KLHL8: variants seen among roughly 807,000 people sequenced by gnomAD.
The protein encoded by KLHL8 is kelch-like protein 8.
A neutral mutation model predicts 63.5 loss-of-function variants in KLHL8; 38 were observed. That is an observed-to-expected ratio of 0.60 (90% CI 0.46 to 0.78). The LOEUF (loss-of-function observed/expected upper bound fraction) is 0.78. Ranked by LOEUF, KLHL8 falls within the 30% of genes least tolerant of loss-of-function variation. KLHL8 has a pLI of 0.00. For synonymous variants in KLHL8, 224 were observed against 254.3 expected (o/e 0.88, Z 1.13); for missense variants, 566 against 752.4 (o/e 0.75, Z 2.90).
At chr4:87,165,821 A>G (rs1342045170) in intron 8 of KLHL8, among the ~76,000 whole-genome samples, 1 of 152,212 alleles carries the variant, frequency 6.6e-6, no homozygotes, top group Non-Finnish European at 1.5e-5. Context: ...GCAAAATGCA[A>G]TTAGGATGTT....
At position 87,163,759 on chromosome 4, in the gene KLHL8, G is replaced by A. The variant is rs978348001; in HGVS notation, c.1740-117C>T. On this transcript the variant is annotated intron_variant, in intron 9 of 9. Transcript: ENST00000273963. ...TTTTGTAGGACAGCAAGCTTCCAGT[G>A]GGAGATAAGATATCCCAAAGCTTAG... The A allele has an allele frequency of 5.9e-6, 9 of 1,522,272 alleles. No homozygotes were observed. The Admixed American group carries it at 7.0e-5, about 12-fold the overall frequency. The allele number at this position is 1,522,272 out of a possible 1,614,324, so 94.3% of individuals were successfully genotyped here. A position where few individuals can be genotyped will look rare whatever the true frequency, so the allele number is the denominator to read the frequency against.
chr4:87,178,767 A>C, intron 4 of KLHL8, 147 bp from the exon 5 acceptor site: 1 of 760,006 alleles, frequency 1.3e-6, no homozygotes, highest in South Asian at 2.6e-5. Flanking sequence ...AATCTAATAA[A>C]ATTTTCTTCT....
rs760767003 is a variant in KLHL8, at chr4:87,163,508, C to G, written c.*11G>C. The G allele has an allele frequency of 1.9e-6, 3 of 1,613,094 alleles. No individual in the cohort carries two copies. Among genetic ancestry groups the G allele is most frequent in the African/African-American group, 2.7e-5 (2 of 74,822 alleles). ...CAGATATGACTAAATTGTTGGTGGC[C>G]AGAACTCAAATCACATACAGTCAAC... On this transcript the variant is annotated 3_prime_UTR_variant, in exon 10 of 10. Coordinates refer to ENST00000273963, the MANE Select transcript of KLHL8 (RefSeq NM_020803.5).
chr4:87,189,564 A>G (rs373515733), intron 2 of KLHL8, among the ~76,000 whole-genome samples: 7 of 152,296 alleles, frequency 4.6e-5, no homozygotes, highest in Admixed American at 3.9e-4. Context: ...CATACAAAGC[A>G]TTCCTAACTC....
At chr4:87,230,097 A>G (rs1187681119) in intron 1 of KLHL8, among the ~76,000 whole-genome samples, 2 of 152,150 alleles carry the variant, frequency 1.3e-5, no homozygotes, top group African/African-American at 4.8e-5. Flanking sequence ...GACAGATTCT[A>G]GAGGCAGCTG....
chr4:87,221,681 T>C (rs996649517), upstream of KLHL8, among the ~76,000 whole-genome samples: 2 of 151,820 alleles, frequency 1.3e-5, no homozygotes, highest in Non-Finnish European at 2.9e-5. Flanking sequence ...GAAATGAACA[T>C]ATATATATCT....
At position 87,185,530 on chromosome 4, in the gene KLHL8, T is replaced by C; in HGVS notation, c.486A>G (p.Leu162=). ...CCAGGCAATTGGAGGGATGAAAATG[T>C]AACTTCATGTATTCACAACAAGCTC... ...VARACCEYMK[L]HFHPSNCLAV... The change falls in exon 3 of 10, where the codon TTA becomes TTG. Residue 162 remains leucine (L), a synonymous_variant. Coordinates refer to ENST00000273963, the MANE Select transcript of KLHL8 (RefSeq NM_020803.5). 1 of 1,614,208 alleles carries C rather than the reference T, an allele frequency of 6.2e-7. No homozygotes were observed. Among genetic ancestry groups the C allele is most frequent in the Non-Finnish European group, 8.5e-7 (1 of 1,180,030 alleles).
At chr4:87,206,878 C>T (rs1281625127) in intron 1 of KLHL8, among the ~76,000 whole-genome samples, 2 of 152,196 alleles carry the variant, frequency 1.3e-5, no homozygotes, top group East Asian at 1.9e-4. Context: ...GCCTGCTTAA[C>T]ACAGTCTACT....
intron 2 of KLHL8, among the ~76,000 whole-genome samples, chr4:87,191,532 T>G (rs768192562): frequency 1.3e-5 from 2 of 152,134 alleles, no homozygotes; most frequent in Non-Finnish European, 2.9e-5. Flanking sequence ...CCTTCATTCT[T>G]ACAGTTTTAT....
chr4:87,201,507 G>T (rs1196896562), intron 1 of KLHL8, among the ~76,000 whole-genome samples: 1 of 152,090 alleles, frequency 6.6e-6, no homozygotes, highest in African/African-American at 2.4e-5. Flanking sequence ...TGACATAAAA[G>T]AACAGAACAC....
intron 1 of KLHL8, chr4:87,208,134 G>T: frequency 2.3e-6 from 1 of 435,724 alleles, no homozygotes; most frequent in South Asian, 1.8e-5. Context: ...GAGAGGAAGA[G>T]AGAGGTCGTC....
chr4:87,224,721 A>G (rs1732942252), upstream of KLHL8, among the ~76,000 whole-genome samples: 1 of 152,072 alleles, frequency 6.6e-6, no homozygotes, highest in Admixed American at 6.5e-5. Flanking sequence ...CCCGCCTTTT[A>G]TCCTAAGACA....
chr4:87,201,354 T>G (rs561998393), intron 1 of KLHL8, among the ~76,000 whole-genome samples: 1 of 152,194 alleles, frequency 6.6e-6, no homozygotes, highest in Non-Finnish European at 1.5e-5. Context: ...TGCATACACC[T>G]AACTTCAAAT....
chr4:87,173,800 C>T (rs996018644), intron 6 of KLHL8, among the ~76,000 whole-genome samples: 1 of 152,088 alleles, frequency 6.6e-6, no homozygotes, highest in Non-Finnish European at 1.5e-5. Context: ...GATTTTATCT[C>T]CCATTTTAAT....
chr4:87,225,213 A>G (rs1198213521), upstream of KLHL8, among the ~76,000 whole-genome samples: 1 of 152,120 alleles, frequency 6.6e-6, no homozygotes, highest in Non-Finnish European at 1.5e-5. Flanking sequence ...CTTTTTAATT[A>G]GGAAACCTTT....
At position 87,170,575 on chromosome 4, in the gene KLHL8, C is replaced by A. The variant is rs766697068; in HGVS notation, c.1249G>T (p.Ala417Ser). The change falls in exon 7 of 10, where the codon GCA becomes TCA. Residue 417 changes from alanine (A) to serine (S), a missense_variant. Coordinates refer to ENST00000273963, the MANE Select transcript of KLHL8 (RefSeq NM_020803.5). ...GTATTGTCATCTAACCCTCCAATTG[C>A]ATAAATTGGGCCTCCTAAGGAAGCC... is the stretch of plus-strand genomic sequence containing the variant. ...ALASLGGPIY[A>S]IGGLDDNTCF... is the part of the protein sequence containing the mutation. 35 of 1,613,478 alleles carry A rather than the reference C, an allele frequency of 2.2e-5. No homozygotes were observed. Among genetic ancestry groups the A allele is most frequent in the Non-Finnish European group, 2.5e-5 (30 of 1,179,768 alleles).
At chr4:87,238,890 T>G (rs184685752) in intron 1 of KLHL8, among the ~76,000 whole-genome samples, 1 of 152,208 alleles carries the variant, frequency 6.6e-6, no homozygotes, top group Non-Finnish European at 1.5e-5. Context: ...TCTGCCTATA[T>G]TTTATCATTA....
intron 1 of KLHL8, among the ~76,000 whole-genome samples, chr4:87,213,923 C>T (rs529033771): frequency 1.3e-4 from 20 of 152,214 alleles, no homozygotes; most frequent in Non-Finnish European, 2.5e-4. Context: ...TGTGCAGCCT[C>T]GGGCAAGTTA....
chr4:87,193,527 TTC>T (rs1284918417), intron 2 of KLHL8, among the ~76,000 whole-genome samples: 9 of 152,246 alleles, frequency 5.9e-5, no homozygotes, highest in Admixed American at 2.0e-4. Context: ...TGCAATTTTT[TTC>T]TTTTTTTATG....
Sources: allele counts gnomAD v4.1 joint callset (sites outside exome capture counted in the v4.1 genomes callset), GRCh38; gene constraint gnomAD v4.1.1; transcripts MANE v1.5; gene names NCBI Gene and HGNC (gene_info 2026-07-23, HGNC 2026-07-21).